The following TRAPPC8 variants were observed in gnomAD, a reference collection of about 807,000 sequenced individuals.
TRAPPC8 encodes the protein general sporulation gene 1 homolog.
TRAPPC8 carries 54 observed loss-of-function variants against 174.3 expected under a neutral mutation model. That is an observed-to-expected ratio of 0.31 (90% CI 0.25 to 0.39). The LOEUF (loss-of-function observed/expected upper bound fraction) is 0.39. Ranked by LOEUF, TRAPPC8 falls within the 10% of genes least tolerant of loss-of-function variation. The probability of loss-of-function intolerance (pLI) is 1.00; values close to 1 mark genes in which losing one functional copy is unlikely to be tolerated. For missense variants in TRAPPC8, 1,531 were observed against 1,699.1 expected (o/e 0.90, Z 1.74); for synonymous variants, 630 against 579.9 (o/e 1.09, Z -1.24).
chr18:31,901,821 ATGT>A (rs1293625772), intron 9 of TRAPPC8, among the ~76,000 whole-genome samples: 1 of 152,172 alleles, frequency 6.6e-6, no homozygotes, highest in Non-Finnish European at 1.5e-5. Context: ...GTCTACGTGA[ATGT>A]TGTGTGGCAG....
chr18:31,916,527 T>C, intron 3 of TRAPPC8, 81 bp from the exon 4 acceptor site: 1 of 1,203,132 alleles, frequency 8.3e-7, no homozygotes, highest in Non-Finnish European at 1.1e-6. Context: ...CAGGAGGTTT[T>C]TGTTTGTTTG....
intron 12 of TRAPPC8, among the ~76,000 whole-genome samples, chr18:31,878,258 A>G (rs986625334): frequency 1.3e-5 from 2 of 152,200 alleles, no homozygotes; most frequent in Non-Finnish European, 2.9e-5. Context: ...AATAATCTAT[A>G]AAGTAAATAT....
intron 2 of TRAPPC8, among the ~76,000 whole-genome samples, chr18:31,920,288 T>C (rs1049262025): frequency 1.3e-5 from 2 of 152,200 alleles, no homozygotes; most frequent in Admixed American, 6.5e-5. Context: ...AAGCAGATTT[T>C]CCAAAATAGC....
chr18:31,890,623 A>T, intron 12 of TRAPPC8, 112 bp downstream of exon 12: 1 of 1,242,928 alleles, frequency 8.0e-7, no homozygotes, highest in Non-Finnish European at 1.1e-6. Context: ...CCAATACATT[A>T]CCTCAGAACA....
intron 21 of TRAPPC8, among the ~76,000 whole-genome samples, chr18:31,854,380 C>T (rs148439488): frequency 1.0e-3 from 154 of 152,194 alleles, no homozygotes; most frequent in African/African-American, 3.6e-3. Context: ...GGTCAGTACA[C>T]ATGAAATTAT....
rs1194548202 is a variant in TRAPPC8, at chr18:31,919,582, AAATAAAT to A, written c.353-1922_353-1916del. On this transcript the variant is annotated intron_variant, in intron 2 of 28. Transcript: ENST00000283351. ...TAAATAAATAAATAAATAAATAAAT[AAATAAAT>A]AAAATAATAATAATCCTAACACTTT... is the stretch of plus-strand genomic sequence containing the variant. Among the ~76,000 whole-genome samples the A allele has an allele frequency of 7.1e-5, 8 of 112,994 alleles. No individual in the cohort carries two copies. The South Asian group carries it at 8.1e-4, about 11-fold the overall frequency. 74.1% of individuals were successfully genotyped at this position (112,994 alleles called of 152,430 possible).
At position 31,942,620 on chromosome 18, in the gene TRAPPC8, G is replaced by C; in HGVS notation, c.145C>G (p.Leu49Val). ...GGATACCACATACCCTCGGAAGTGA[G>C]GCGGGAGAAGGGCTTAAGCAGCTCC... ...FAELLKPFSRLTSEVHMRDPN... is the reference protein window; with the variant it reads ...FAELLKPFSRVTSEVHMRDPN... Residue 49 changes from leucine (L) to valine (V), a missense_variant, in exon 1 of 29, where the codon CTC (leucine) becomes GTC (valine). Physicochemically the swap from Leu to Val is conservative, Grantham distance 32. Coordinates refer to ENST00000283351, the MANE Select transcript of TRAPPC8 (RefSeq NM_014939.5). 1.2e-6 allele frequency: 2 copies of C among 1,604,730 alleles called. No homozygotes were observed. Among genetic ancestry groups the C allele is most frequent in the Non-Finnish European group, 1.7e-6 (2 of 1,175,430 alleles).
chr18:31,910,049 T>C (rs959940944), intron 5 of TRAPPC8, among the ~76,000 whole-genome samples: 3 of 152,162 alleles, frequency 2.0e-5, no homozygotes, highest in Non-Finnish European at 4.4e-5. Context: ...GATATGTATA[T>C]ACACGAGTGT....
intron 1 of TRAPPC8, among the ~76,000 whole-genome samples, chr18:31,932,334 G>A (rs1454522795): frequency 6.6e-6 from 1 of 151,892 alleles, no homozygotes; most frequent in African/African-American, 2.4e-5. Context: ...GGCTGAGGCA[G>A]GAGAATTGCT....
chr18:31,923,364 A>AT (rs2037470704), intron 2 of TRAPPC8, among the ~76,000 whole-genome samples: 1 of 152,212 alleles, frequency 6.6e-6, no homozygotes, highest in Non-Finnish European at 1.5e-5. Flanking sequence ...ATCCCTGTAT[A>AT]TAACAGACTT....
intron 11 of TRAPPC8, among the ~76,000 whole-genome samples, chr18:31,891,819 C>G (rs953892861): frequency 5.9e-5 from 9 of 152,110 alleles, no homozygotes; most frequent in Admixed American, 5.9e-4. Context: ...GTTCACAGAC[C>G]ATTGATTAGC....
intron 6 of TRAPPC8, 76 bp from the exon 7 acceptor site, chr18:31,909,086 G>GA (rs549294414): frequency 0.12 from 102,830 of 847,864 alleles, no homozygotes; most frequent in East Asian, 0.14. Context: ...TACTGCTAAA[G>GA]AAAAAAAAAA....
At chr18:31,916,846 C>CAAAAAA (rs5823825) in intron 3 of TRAPPC8, among the ~76,000 whole-genome samples, 1 of 126,894 alleles carries the variant, frequency 7.9e-6, no homozygotes, top group African/African-American at 3.0e-5. Context: ...ATTTTCACAG[C>CAAAAAA]AAAAAAAAAA....
At chr18:31,925,431 A>G (rs2037572377) in intron 2 of TRAPPC8, among the ~76,000 whole-genome samples, 3 of 152,194 alleles carry the variant, frequency 2.0e-5, no homozygotes, top group African/African-American at 7.2e-5. Context: ...TAGAAGGATC[A>G]GAAGATAAAG....
At chr18:31,927,222 C>T (rs1179544717) in intron 2 of TRAPPC8, among the ~76,000 whole-genome samples, 5 of 152,168 alleles carry the variant, frequency 3.3e-5, no homozygotes, top group Non-Finnish European at 5.9e-5. Context: ...ATCTTCTCAC[C>T]TCAGCCTCCT....
chr18:31,935,212 C>G (rs970718056), intron 1 of TRAPPC8, among the ~76,000 whole-genome samples: 1 of 151,566 alleles, frequency 6.6e-6, no homozygotes, highest in South Asian at 2.1e-4. Context: ...GGCGTGGTGG[C>G]GCATGCCTGT....
At chr18:31,897,063 T>C (rs945211138) in intron 11 of TRAPPC8, among the ~76,000 whole-genome samples, 4 of 152,158 alleles carry the variant, frequency 2.6e-5, no homozygotes, top group African/African-American at 4.8e-5. Context: ...AAAAAGTGCA[T>C]TGGTCCAAGG....
intron 25 of TRAPPC8, 32 bp downstream of exon 25, chr18:31,849,534 G>A: frequency 6.5e-7 from 1 of 1,540,082 alleles, no homozygotes; most frequent in Non-Finnish European, 8.8e-7. Flanking sequence ...ATCTATAAGT[G>A]AGGCTTGCTG....
At chr18:31,836,246 C>A (rs2032711982) in intron 27 of TRAPPC8, among the ~76,000 whole-genome samples, 1 of 152,160 alleles carries the variant, frequency 6.6e-6, no homozygotes, top group Non-Finnish European at 1.5e-5. Context: ...TAACATGCAG[C>A]CAAGGAGAAA....
Sources: gnomAD v4.1 joint callset for allele counts (sites outside exome capture counted in the v4.1 genomes callset) on GRCh38, gnomAD v4.1.1 for gene constraint, MANE v1.5 for transcripts, NCBI Gene and HGNC (gene_info 2026-07-23, HGNC 2026-07-21) for gene names.